CSNK1G1: variants seen among roughly 807,000 people sequenced by gnomAD.
CSNK1G1 encodes casein kinase 1 gamma 1.
A neutral mutation model predicts 59.6 loss-of-function variants in CSNK1G1; 22 were observed. That is an observed-to-expected ratio of 0.37 (90% CI 0.26 to 0.53). The LOEUF is 0.53. CSNK1G1 is among the 20% of genes least tolerant of loss of function. CSNK1G1 has a pLI of 0.89. For synonymous variants in CSNK1G1, 179 were observed against 177.1 expected (o/e 1.01, Z -0.08); for missense variants, 384 against 519.5 (o/e 0.74, Z 2.54).
chr15:64,195,513 T>C (rs972084683), intron 10 of CSNK1G1, among the ~76,000 whole-genome samples: 3 of 152,230 alleles, frequency 2.0e-5, no homozygotes, highest in Non-Finnish European at 1.5e-5. Flanking sequence ...TGCATGCACA[T>C]AGTAGTCAAT....
At chr15:64,244,889 T>C (rs1276381658) in intron 4 of CSNK1G1, among the ~76,000 whole-genome samples, 1 of 151,808 alleles carries the variant, frequency 6.6e-6, no homozygotes, top group Non-Finnish European at 1.5e-5. Flanking sequence ...TGTCAAAATA[T>C]ACTACAAAGC....
intron 1 of CSNK1G1, among the ~76,000 whole-genome samples, chr15:64,336,568 G>A (rs1897398331): frequency 6.6e-6 from 1 of 151,740 alleles, no homozygotes; most frequent in Non-Finnish European, 1.5e-5. Context: ...GACCAGCCTG[G>A]GCAACTTAGA....
Position 64,166,338 on chromosome 15 carries a change from G to C in CSNK1G1, c.*5593C>G. The C allele has an allele frequency of 4.1e-6, 1 of 246,082 alleles. No homozygotes were observed. The highest frequency in any genetic ancestry group is 7.7e-6 in the Non-Finnish European group (1 of 130,474). The allele number at this position is 246,082 out of a possible 1,614,324, so 15.2% of individuals were successfully genotyped here. ...TTCCATTGGGGGGTATATATTTTTG[G>C]TTTATCTTTATCTTTTCTGCTGTTA... On this transcript the variant is annotated 3_prime_UTR_variant, in exon 12 of 12. Transcript: ENST00000303052. This position sits in a 1 kb window ranked among gnomAD's most constrained non-coding sequence, Gnocchi z 4.5.
chr15:64,344,948 G>A (rs908434549), intron 1 of CSNK1G1, among the ~76,000 whole-genome samples: 2 of 152,154 alleles, frequency 1.3e-5, no homozygotes, highest in African/African-American at 4.8e-5. Context: ...GATTGATTTG[G>A]AGATAATGTA....
At chr15:64,277,025 A>G (rs1473994618) in intron 2 of CSNK1G1, among the ~76,000 whole-genome samples, 1 of 152,110 alleles carries the variant, frequency 6.6e-6, no homozygotes, top group African/African-American at 2.4e-5. Flanking sequence ...AAAGCAATCA[A>G]TTCCGGAAGA....
chr15:64,284,186 T>C (rs1479949308), intron 2 of CSNK1G1, among the ~76,000 whole-genome samples: 2 of 152,228 alleles, frequency 1.3e-5, no homozygotes, highest in Non-Finnish European at 2.9e-5. Context: ...TACCAGTCTA[T>C]ATGTCTATCC....
At chr15:64,285,838 T>C (rs1360672297) in intron 2 of CSNK1G1, among the ~76,000 whole-genome samples, 1 of 151,986 alleles carries the variant, frequency 6.6e-6, no homozygotes, top group African/African-American at 2.4e-5. Flanking sequence ...TCACTCTAGT[T>C]AATTTATCTT....
rs565700091 is a variant in CSNK1G1 at position 64,170,713 on chromosome 15, C to G, written c.*1218G>C. 1 of 152,518 alleles carries G rather than the reference C, an allele frequency of 6.6e-6. No individual in the cohort carries two copies. The highest frequency in any genetic ancestry group is 1.5e-5 in the Non-Finnish European group (1 of 68,020). The allele number at this position is 152,518 out of a possible 1,614,324, so 9.4% of individuals were successfully genotyped here. The stretch of plus-strand genomic sequence containing the variant: ...ATCACTAATTTTTCCCCCAAGTCAC[C>G]AGGACGTCACATGGCTATCTAGTTG... On this transcript the variant is annotated 3_prime_UTR_variant, in exon 12 of 12. Transcript: ENST00000303052.
chr15:64,339,142 G>A (rs1025725944), intron 1 of CSNK1G1, among the ~76,000 whole-genome samples: 1 of 152,186 alleles, frequency 6.6e-6, no homozygotes, highest in Non-Finnish European at 1.5e-5. Flanking sequence ...ACAGTCAAGT[G>A]AATGTAATCT....
In CSNK1G1 at chr15:64,180,328, C is replaced by A; in HGVS notation, c.1214+20G>T. 1 of 1,581,934 alleles carries A rather than the reference C, an allele frequency of 6.3e-7. No individual in the cohort carries two copies. The highest frequency in any genetic ancestry group is 8.7e-7 in the Non-Finnish European group (1 of 1,150,712). ...TTTTTCAACCCATGACTTAAGAGCCCCCTTGAAAGATGTACGTACTTAGCT... is the reference window on the plus strand; with the variant it reads ...TTTTTCAACCCATGACTTAAGAGCCACCTTGAAAGATGTACGTACTTAGCT... On this transcript the variant is annotated intron_variant, in intron 11 of 11. Coordinates refer to ENST00000303052, the MANE Select transcript of CSNK1G1 (RefSeq NM_022048.5).
Position 64,305,835 on chromosome 15 carries a change from C to A in CSNK1G1, c.-224-5112G>T, listed in dbSNP as rs546209465. On this transcript the variant is annotated intron_variant, in intron 1 of 11. Coordinates refer to ENST00000303052, the MANE Select transcript of CSNK1G1 (RefSeq NM_022048.5). ...TGGAAAGCCCAGAAATAGATTCACA[C>A]AAATATATTCATACCAATCTTTGAC... Among the ~76,000 whole-genome samples the A allele has an allele frequency of 2.8e-5, 4 of 145,194 alleles. No individual in the cohort carries two copies. In the South Asian group the frequency reaches 8.5e-4, roughly 31 times the overall value.
intron 1 of CSNK1G1, among the ~76,000 whole-genome samples, chr15:64,313,441 T>C (rs887373356): frequency 6.6e-6 from 1 of 152,196 alleles, no homozygotes; most frequent in Non-Finnish European, 1.5e-5. Context: ...TGGGTTCATG[T>C]CCTTTGCAGG....
At chr15:64,291,444 T>G (rs1405801792) in intron 2 of CSNK1G1, among the ~76,000 whole-genome samples, 1 of 151,994 alleles carries the variant, frequency 6.6e-6, no homozygotes, top group African/African-American at 2.4e-5. Context: ...AAAAATTAGC[T>G]GGGTGTGGTG....
chr15:64,248,610 C>T (rs1380162542), intron 4 of CSNK1G1, among the ~76,000 whole-genome samples: 3 of 152,086 alleles, frequency 2.0e-5, no homozygotes, highest in African/African-American at 4.8e-5. Context: ...ATAGTCAATG[C>T]CTAATCATCA....
chr15:64,250,441 T>C (rs1239990971), intron 4 of CSNK1G1, among the ~76,000 whole-genome samples: 3 of 152,162 alleles, frequency 2.0e-5, no homozygotes, highest in Non-Finnish European at 4.4e-5. Context: ...AGTACCTTCA[T>C]AGGGTTACTT....
intron 1 of CSNK1G1, among the ~76,000 whole-genome samples, chr15:64,303,916 CAAAA>C (rs66651513): frequency 1.2e-4 from 11 of 95,164 alleles, no homozygotes; most frequent in Middle Eastern, 5.2e-3. Context: ...AGGCCCTGTC[CAAAA>C]AAAAAAAAAA....
At position 64,203,192 on chromosome 15, in the gene CSNK1G1, A is replaced by G. The variant is rs777225635; in HGVS notation, c.1000-3T>C. On this transcript the variant is annotated splice_region_variant and splice_polypyrimidine_tract_variant and intron_variant, in intron 9 of 11. Transcript: ENST00000303052. ...TGAACTGACCCTACTGGAGTAGGCT[A>G]GAAAAATGAAACAAAAAGTCAAATG... 7.5e-6 allele frequency: 12 copies of G among 1,608,120 alleles called. No individual in the cohort carries two copies. Among genetic ancestry groups the G allele is most frequent in the African/African-American group, 4.0e-5 (3 of 74,794 alleles).
intron 10 of CSNK1G1, among the ~76,000 whole-genome samples, chr15:64,202,381 G>A (rs1241128709): frequency 1.3e-5 from 2 of 151,988 alleles, no homozygotes; most frequent in African/African-American, 2.4e-5. Context: ...CTGTCTGTGC[G>A]ACAGGTCTTT....
intron 2 of CSNK1G1, 122 bp downstream of exon 2, chr15:64,300,197 A>T (rs1895251075): frequency 2.3e-6 from 2 of 867,156 alleles, no homozygotes; most frequent in African/African-American, 3.4e-5. Flanking sequence ...ATTATTTCTT[A>T]ACAACAGGTT....
Sources: allele counts gnomAD v4.1 joint callset (sites outside exome capture counted in the v4.1 genomes callset), GRCh38; gene constraint gnomAD v4.1.1; non-coding constraint Gnocchi (gnomAD v3.1); transcripts MANE v1.5; gene names NCBI Gene and HGNC (gene_info 2026-07-23, HGNC 2026-07-21).